MYO1D: variants seen among roughly 807,000 people sequenced by gnomAD.
MYO1D encodes the protein myosin ID, also known as unconventional myosin-Id.
MYO1D carries 83 observed loss-of-function variants against 122.0 expected under a neutral mutation model. The observed-to-expected ratio is 0.68, with a 90% CI of 0.57 to 0.82. The LOEUF is 0.82. Ranked by LOEUF, MYO1D falls within the 40% of genes least tolerant of loss-of-function variation. The pLI, the probability that MYO1D is intolerant of heterozygous loss-of-function variation, is 0.00. For synonymous variants in MYO1D, 464 were observed against 446.9 expected (o/e 1.04, Z -0.48); for missense variants, 1,157 against 1,269.5 (o/e 0.91, Z 1.35).
In MYO1D at chr17:32,873,088, A is replaced by T. The variant is rs921021542; in HGVS notation, c.95+3690T>A. The stretch of plus-strand genomic sequence containing the variant: ...CAAGCTTTAGCTCCAAGAGGGAAAA[A>T]GAAGGCCAGATTAATAGCAAAACAA... On this transcript the variant is annotated intron_variant, in intron 1 of 21. Transcript: ENST00000318217. Among the ~76,000 whole-genome samples the T allele has an allele frequency of 3.3e-5, 5 of 152,234 alleles. 1 individual carries two copies. The highest frequency in any genetic ancestry group is 1.2e-4 in the African/African-American group (5 of 41,460).
intron 20 of MYO1D, chr17:32,632,504 C>T (rs1218210880): frequency 4.0e-5 from 6 of 150,536 alleles, no homozygotes; most frequent in Admixed American, 2.7e-4. Context: ...CGTGTATGTG[C>T]CCATCTGACT....
chr17:32,804,482 C>G (rs1372660997), intron 1 of MYO1D, among the ~76,000 whole-genome samples: 2 of 151,916 alleles, frequency 1.3e-5, no homozygotes, highest in African/African-American at 4.8e-5. Flanking sequence ...ATTTGAAGAC[C>G]CACCATCTCC....
chr17:32,531,976 C>T (rs1394897620), intron 21 of MYO1D, among the ~76,000 whole-genome samples: 2 of 152,178 alleles, frequency 1.3e-5, no homozygotes, highest in East Asian at 3.8e-4. Context: ...CTCTTAATGG[C>T]TACATCATCA....
At chr17:32,873,306 TAAAG>T (rs1236804665) in intron 1 of MYO1D, among the ~76,000 whole-genome samples, 2 of 152,062 alleles carry the variant, frequency 1.3e-5, no homozygotes, top group Non-Finnish European at 2.9e-5. Flanking sequence ...TTACATGACT[TAAAG>T]GAAGGAAGCA....
intron 1 of MYO1D, among the ~76,000 whole-genome samples, chr17:32,811,287 A>G (rs2090569787): frequency 6.6e-6 from 1 of 152,150 alleles, no homozygotes; most frequent in South Asian, 2.1e-4. Flanking sequence ...AGTCAAACCT[A>G]CTCATCCTGT....
chr17:32,872,730 C>G (rs1340410837), intron 1 of MYO1D, among the ~76,000 whole-genome samples: 7 of 150,122 alleles, frequency 4.7e-5, no homozygotes, highest in Admixed American at 2.7e-4. Context: ...CGCTCTGTCA[C>G]CCAGGCCGGA....
intron 21 of MYO1D, among the ~76,000 whole-genome samples, chr17:32,514,811 C>T (rs915816938): frequency 2.0e-5 from 3 of 152,188 alleles, no homozygotes; most frequent in African/African-American, 4.8e-5. Flanking sequence ...GAAAGAGATG[C>T]GGACAGGGGC....
At chr17:32,589,301 A>G (rs1303124262) in intron 21 of MYO1D, among the ~76,000 whole-genome samples, 1 of 152,178 alleles carries the variant, frequency 6.6e-6, no homozygotes. Flanking sequence ...TACTGAACCC[A>G]ACTTCTCACC....
intron 15 of MYO1D, among the ~76,000 whole-genome samples, chr17:32,715,226 A>G (rs1191898322): frequency 6.6e-6 from 1 of 152,226 alleles, no homozygotes; most frequent in Non-Finnish European, 1.5e-5. Context: ...AATGTAAATT[A>G]GTTCAACCAT....
intron 21 of MYO1D, among the ~76,000 whole-genome samples, chr17:32,515,436 T>C (rs564428755): frequency 2.0e-5 from 3 of 152,104 alleles, no homozygotes; most frequent in Non-Finnish European, 4.4e-5. Flanking sequence ...GGACCACAAG[T>C]ATGTGCCTCC....
chr17:32,784,681 C>CT (rs1491531177), intron 1 of MYO1D, among the ~76,000 whole-genome samples: 1 of 151,726 alleles, frequency 6.6e-6, no homozygotes, highest in Non-Finnish European at 1.5e-5. Context: ...ATTCTGAAAC[C>CT]TTTTTTTTAA....
At chr17:32,678,390 C>G (rs1263126496) in intron 16 of MYO1D, among the ~76,000 whole-genome samples, 3 of 148,932 alleles carry the variant, frequency 2.0e-5, no homozygotes, top group African/African-American at 7.5e-5. Flanking sequence ...GTATATCTCC[C>G]GATGCTATCC....
intron 11 of MYO1D, among the ~76,000 whole-genome samples, chr17:32,754,847 C>A (rs2089931180): frequency 6.6e-6 from 1 of 152,104 alleles, no homozygotes; most frequent in African/African-American, 2.4e-5. Flanking sequence ...ATGGAATATT[C>A]CATGCAAATG....
At chr17:32,720,643 C>T (rs1015016098) in intron 15 of MYO1D, among the ~76,000 whole-genome samples, 1 of 152,068 alleles carries the variant, frequency 6.6e-6, no homozygotes, top group Non-Finnish European at 1.5e-5. Flanking sequence ...TCATAACAGT[C>T]CTATGAAATG....
Position 32,807,045 on chromosome 17 carries a change from C to T in MYO1D, c.96-26261G>A, listed in dbSNP as rs568269547. 7.2e-5 allele frequency among the ~76,000 whole-genome samples: 11 copies of T among 152,298 alleles called. No individual in the cohort carries two copies. The East Asian group carries it at 1.2e-3, about 16-fold the overall frequency. The stretch of plus-strand genomic sequence containing the variant: ...ATAAATAGGCTATAAGTTAATTTCA[C>T]TTAAGGTGAAATAACAGTTGCACAA... On this transcript the variant is annotated intron_variant, in intron 1 of 21. Coordinates refer to ENST00000318217, the MANE Select transcript of MYO1D (RefSeq NM_015194.3).
intron 21 of MYO1D, among the ~76,000 whole-genome samples, chr17:32,569,984 T>G (rs1423810199): frequency 2.0e-5 from 3 of 152,188 alleles, no homozygotes; most frequent in Non-Finnish European, 4.4e-5. Flanking sequence ...AGGACCAAGT[T>G]TCCTGAGCAG....
chr17:32,567,645 G>C lies in MYO1D; in HGVS notation c.2864+37442C>G, dbSNP rs1163709872. Among the ~76,000 whole-genome samples, 5 of 152,290 alleles carry C rather than the reference G, an allele frequency of 3.3e-5. No homozygotes were observed. The East Asian group carries it at 9.6e-4, about 29-fold the overall frequency. ...CAAGCATGAACATGCTAAGAACTTG[G>C]GCTTCAGTCATGGCCAGTCCCTTCA... On this transcript the variant is annotated intron_variant, in intron 21 of 21. Transcript: ENST00000318217.
intron 20 of MYO1D, among the ~76,000 whole-genome samples, chr17:32,618,394 C>G (rs1323035049): frequency 6.6e-6 from 1 of 152,112 alleles, no homozygotes; most frequent in African/African-American, 2.4e-5. Context: ...AGTAAGTTTC[C>G]AACACCAATT....
intron 16 of MYO1D, chr17:32,684,381 C>T (rs940793797): frequency 1.3e-5 from 2 of 152,302 alleles, no homozygotes; most frequent in Admixed American, 6.5e-5. Context: ...TGTGTTCACT[C>T]ATGTTTTGTG....
Sources: allele counts gnomAD v4.1 joint callset (sites outside exome capture counted in the v4.1 genomes callset), GRCh38; gene constraint gnomAD v4.1.1; transcripts MANE v1.5; gene names NCBI Gene and HGNC (gene_info 2026-07-23, HGNC 2026-07-21).